The following SP3 variants were observed in gnomAD, a reference collection of about 807,000 sequenced individuals.
The protein encoded by SP3 is transcription factor Sp3.
Under a neutral mutation model 70.3 loss-of-function variants are expected in SP3, and 10 were observed. The observed-to-expected ratio is 0.14, with a 90% CI of 0.09 to 0.24. The LOEUF (loss-of-function observed/expected upper bound fraction) is 0.24. Ranked by LOEUF, SP3 falls within the 10% of genes least tolerant of loss-of-function variation. The probability of loss-of-function intolerance (pLI) is 1.00; values close to 1 mark genes in which losing one functional copy is unlikely to be tolerated. For synonymous variants in SP3, 402 were observed against 333.5 expected, an observed-to-expected ratio of 1.21 and a Z score of -2.24; for missense variants, 825 against 914.6, an observed-to-expected ratio of 0.90 and a Z score of 1.26.
intron 1 of SP3, 127 bp downstream of exon 1, chr2:173,965,038 C>T: frequency 7.8e-7 from 1 of 1,285,322 alleles, no homozygotes; most frequent in Non-Finnish European, 1.1e-6. Context: ...GTGCAGCTTT[C>T]TGCCTCTCAC....
intron 3 of SP3, 53 bp from the exon 4 acceptor site, chr2:173,956,285 C>A: frequency 9.3e-6 from 14 of 1,510,584 alleles, no homozygotes; most frequent in Non-Finnish European, 1.2e-5. Context: ...TAAATCAACC[C>A]TCAAAAAATT....
At position 173,909,181 on chromosome 2, in the gene SP3, C is replaced by T. The variant is rs1213619121; in HGVS notation, c.*760G>A. On this transcript the variant is annotated 3_prime_UTR_variant, in exon 7 of 7. Transcript: ENST00000310015. ...AAGGGATAATTCACTATAACATTCT[C>T]TTACCACCCAAATGCCTCAACTTAT... 1 of 152,560 alleles carries T rather than the reference C, an allele frequency of 6.6e-6. No homozygotes were observed. Among genetic ancestry groups the T allele is most frequent in the Non-Finnish European group, 1.5e-5 (1 of 67,966 alleles). 9.5% of individuals were successfully genotyped at this position (152,560 alleles called of 1,614,324 possible). A position where few individuals can be genotyped will look rare whatever the true frequency, so the allele number is the denominator to read the frequency against.
chr2:173,930,682 G>A (rs1690043671), intron 4 of SP3, among the ~76,000 whole-genome samples: 1 of 152,156 alleles, frequency 6.6e-6, no homozygotes, highest in Non-Finnish European at 1.5e-5. Flanking sequence ...ATTGTTCTCT[G>A]CATCGTCATG....
At chr2:173,956,601 A>G (rs1183029443) in intron 3 of SP3, among the ~76,000 whole-genome samples, 2 of 152,238 alleles carry the variant, frequency 1.3e-5, no homozygotes, top group Non-Finnish European at 1.5e-5. Flanking sequence ...AAAAGGAAAC[A>G]TAAGCATAGT....
intron 4 of SP3, among the ~76,000 whole-genome samples, chr2:173,921,920 C>T (rs1689766555): frequency 6.6e-6 from 1 of 152,150 alleles, no homozygotes; most frequent in Non-Finnish European, 1.5e-5. Flanking sequence ...CTCTGTCTCT[C>T]ACCTCCCTCT....
At chr2:173,933,528 G>A (rs1452906599) in intron 4 of SP3, among the ~76,000 whole-genome samples, 1 of 151,226 alleles carries the variant, frequency 6.6e-6, no homozygotes, top group Non-Finnish European at 1.5e-5. Flanking sequence ...TCACCATGAC[G>A]TATTTCATTG....
chr2:173,947,905 T>C (rs1226340121), intron 4 of SP3, among the ~76,000 whole-genome samples: 1 of 152,184 alleles, frequency 6.6e-6, no homozygotes, highest in Non-Finnish European at 1.5e-5. Flanking sequence ...AACACTCAGC[T>C]AACAGTTCAA....
In SP3 at chr2:173,935,439, T is replaced by G. The variant is rs1320178243; in HGVS notation, c.1640-16654A>C. ...AACAATCAAAACCAAACTATCTGAG[T>G]GCAAACTAAACTTTACAATGCCAAA... On this transcript the variant is annotated intron_variant, in intron 4 of 6. Coordinates refer to ENST00000310015, the MANE Select transcript of SP3 (RefSeq NM_003111.5). Among the ~76,000 whole-genome samples the G allele has an allele frequency of 2.0e-5, 3 of 152,068 alleles. No individual in the cohort carries two copies. In the East Asian group the frequency reaches 5.8e-4, roughly 29 times the overall value.
chr2:173,905,330 T>A lies in SP3; in HGVS notation c.*4611A>T, dbSNP rs1435070388. Among the ~76,000 whole-genome samples the A allele has an allele frequency of 6.6e-6, 1 of 152,210 alleles. No homozygotes were observed. Among genetic ancestry groups the A allele is most frequent in the Admixed American group, 6.5e-5 (1 of 15,286 alleles). On this transcript the variant is annotated 3_prime_UTR_variant, in exon 7 of 7. Coordinates refer to ENST00000310015, the MANE Select transcript of SP3 (RefSeq NM_003111.5). ...CCGTTAAGTCAGGCACTATGCTGAA[T>A]GCTTATATTTTAATACAACAATCCT...
intron 5 of SP3, 62 bp downstream of exon 5, chr2:173,918,531 T>G (rs1421095099): frequency 1.4e-6 from 2 of 1,474,264 alleles, no homozygotes; most frequent in Non-Finnish European, 1.8e-6. Context: ...GCATGCAGTA[T>G]TTCAAAAATC....
chr2:173,926,328 T>C (rs1372990408), intron 4 of SP3, among the ~76,000 whole-genome samples: 2 of 152,234 alleles, frequency 1.3e-5, no homozygotes, highest in African/African-American at 2.4e-5. Flanking sequence ...TGGTATTTAA[T>C]AGATGTACCT....
At chr2:173,947,958 G>A (rs1481967112) in intron 4 of SP3, among the ~76,000 whole-genome samples, 1 of 152,114 alleles carries the variant, frequency 6.6e-6, no homozygotes, top group Admixed American at 6.5e-5. Context: ...AGACTGTGCT[G>A]ATGTCCTCCT....
chr2:173,912,688 T>C lies in SP3; in HGVS notation c.2029+382A>G, dbSNP rs536860514. 7.6e-4 allele frequency among the ~76,000 whole-genome samples: 116 copies of C among 152,170 alleles called. 1 individual carries two copies. Among genetic ancestry groups the C allele is most frequent in the Middle Eastern group, 6.8e-3 (2 of 294 alleles). On this transcript the variant is annotated intron_variant, in intron 6 of 6. Transcript: ENST00000310015. ...AAAGAAAAGGTGAAATGCCCAAATA[T>C]GTCAGAAGAAACAGGAGTATTTTTT... is the stretch of plus-strand genomic sequence containing the variant.
intron 4 of SP3, among the ~76,000 whole-genome samples, chr2:173,953,755 G>A (rs1187175702): frequency 3.4e-5 from 5 of 145,172 alleles, no homozygotes; most frequent in Admixed American, 7.0e-5. Flanking sequence ...GTGACAGAGC[G>A]AGACTCCATC....
chr2:173,959,745 C>G (rs1214824216), intron 3 of SP3, among the ~76,000 whole-genome samples: 1 of 152,038 alleles, frequency 6.6e-6, no homozygotes, highest in African/African-American at 2.4e-5. Flanking sequence ...CAGGGCGAGA[C>G]TCAGTCTCAA....
At chr2:173,916,815 G>A (rs1247175595) in intron 5 of SP3, 3 of 151,996 alleles carry the variant, frequency 2.0e-5, no homozygotes, top group African/African-American at 4.8e-5. Flanking sequence ...AAAGACATAC[G>A]TGTAAGATTA....
intron 4 of SP3, among the ~76,000 whole-genome samples, chr2:173,922,752 A>G (rs1404438638): frequency 3.3e-5 from 5 of 152,320 alleles, no homozygotes; most frequent in African/African-American, 1.2e-4. Flanking sequence ...ATCCTTGGAT[A>G]TAACATTGTG....
intron 3 of SP3, among the ~76,000 whole-genome samples, chr2:173,957,289 G>T (rs180842262): frequency 1.3e-5 from 2 of 151,880 alleles, no homozygotes; most frequent in African/African-American, 4.8e-5. Flanking sequence ...ATCTTCAAAC[G>T]GTTCACTGTC....
intron 2 of SP3, 120 bp downstream of exon 2, chr2:173,964,285 G>T: frequency 3.8e-6 from 2 of 525,748 alleles, no homozygotes; most frequent in Non-Finnish European, 6.7e-6. Context: ...GCGGGGGGAG[G>T]GGAGTGGAGG....
Sources: allele counts gnomAD v4.1 joint callset (sites outside exome capture counted in the v4.1 genomes callset), GRCh38; gene constraint gnomAD v4.1.1; transcripts MANE v1.5; gene names NCBI Gene and HGNC (gene_info 2026-07-23, HGNC 2026-07-21).